Variants in ZNF90 observed in about 807,000 individuals in gnomAD.
The protein encoded by ZNF90 is zinc finger protein 90.
In ZNF90, 11 loss-of-function variants were observed where a neutral mutation model predicts 12.0. That is an observed-to-expected ratio of 0.92 (90% confidence interval 0.58 to 1.52). The LOEUF (loss-of-function observed/expected upper bound fraction) is 1.52, where lower values mean the gene tolerates loss of function less well. Among genes scored for constraint, ZNF90 ranks in the 40% most tolerant of loss-of-function variants. The pLI is 0.00. For synonymous variants in ZNF90, 232 were observed against 240.1 expected, an observed-to-expected ratio of 0.97 and a Z score of 0.31; for missense variants, 765 against 711.5, an observed-to-expected ratio of 1.08 and a Z score of -0.86.
rs913847812 is a variant in ZNF90 at position 20,084,366 on chromosome 19, A to G, written c.3+6231A>G. On this transcript the variant is annotated intron_variant, in intron 1 of 3. Coordinates refer to ENST00000418063, the MANE Select transcript of ZNF90 (RefSeq NM_007138.2). ...GCCACTGCGCCAGGCTGACCATACC[A>G]TATTTTCTTTATCCAGTCTACCATT... Among the ~76,000 whole-genome samples the G allele has an allele frequency of 4.2e-4, 64 of 152,212 alleles. 1 individual carries two copies. The highest frequency in any genetic ancestry group is 1.5e-3 in the African/African-American group (62 of 41,544).
chr19:20,080,313 T>TGGA, intron 1 of ZNF90: 1 of 537,906 alleles, frequency 1.9e-6, no homozygotes, highest in Middle Eastern at 3.9e-4. Flanking sequence ...GGACGATCCT[T>TGGA]GTTTTACCAG....
chr19:20,101,191 G>C (rs2088987062), intron 1 of ZNF90, among the ~76,000 whole-genome samples: 1 of 152,164 alleles, frequency 6.6e-6, no homozygotes, highest in Non-Finnish European at 1.5e-5. Flanking sequence ...TAGGCTAAAG[G>C]CTCGCCATTG....
intron 3 of ZNF90, among the ~76,000 whole-genome samples, chr19:20,112,218 T>C (rs2089095870): frequency 6.7e-6 from 1 of 148,366 alleles, no homozygotes; most frequent in Admixed American, 6.7e-5. Context: ...AAAGGTTTCA[T>C]GTATAATAAT....
At chr19:20,093,301 A>G (rs2088916937) in intron 1 of ZNF90, among the ~76,000 whole-genome samples, 1 of 152,256 alleles carries the variant, frequency 6.6e-6, no homozygotes, top group African/African-American at 2.4e-5. Context: ...TTAGAAGCCC[A>G]TGCTGTAGCA....
chr19:20,105,403 T>G (rs2089027811), intron 3 of ZNF90, 87 bp downstream of exon 3: 1 of 1,087,244 alleles, frequency 9.2e-7, no homozygotes, highest in African/African-American at 1.6e-5. Flanking sequence ...AAATGTGATT[T>G]AGGAAGCTGT....
intron 3 of ZNF90, 24 bp downstream of exon 3, chr19:20,105,340 C>T: frequency 6.4e-7 from 1 of 1,573,868 alleles, no homozygotes; most frequent in Non-Finnish European, 8.7e-7. Context: ...AAAATGAATA[C>T]AACAGACAAC....
rs371432550 is a variant in ZNF90, at chr19:20,095,960, C to T, written c.4-8279C>T. On this transcript the variant is annotated intron_variant, in intron 1 of 3. Coordinates refer to ENST00000418063, the MANE Select transcript of ZNF90 (RefSeq NM_007138.2). ...AAACGTGAGTGTATAATCAGAGAGGCATCCCTGCAATGATTAAACACCAAG... is the reference window on the plus strand; with the variant it reads ...AAACGTGAGTGTATAATCAGAGAGGTATCCCTGCAATGATTAAACACCAAG... Among the ~76,000 whole-genome samples the T allele has an allele frequency of 2.8e-3, 424 of 152,306 alleles. 2 individuals carry two copies. The highest frequency in any genetic ancestry group is 9.9e-3 in the African/African-American group (411 of 41,544).
intron 1 of ZNF90, among the ~76,000 whole-genome samples, chr19:20,103,411 A>G (rs2089005876): frequency 6.6e-6 from 1 of 152,106 alleles, no homozygotes; most frequent in African/African-American, 2.4e-5. Flanking sequence ...CCAACCCTCA[A>G]CTTTTTTCTC....
chr19:20,088,216 G>A (rs1429745621), intron 1 of ZNF90, among the ~76,000 whole-genome samples: 7 of 151,808 alleles, frequency 4.6e-5, no homozygotes, highest in African/African-American at 7.3e-5. Flanking sequence ...TTGGGGGGTG[G>A]TATGGAGAGA....
In ZNF90 at chr19:20,118,928, T is replaced by C. The variant is rs782522249; in HGVS notation, c.1374T>C (p.Cys458=). ...AGAAACCCTACAAATGTGAAGAATG[T>C]GGCAAAGCCTTCAAGCGCTCCTCAA... is the stretch of plus-strand genomic sequence containing the variant. ...SGEKPYKCEE[C]GKAFKRSSNL... The change falls in exon 4 of 4, where the codon TGT becomes TGC. Residue 458 remains cysteine, a synonymous_variant. Transcript: ENST00000418063. The C allele has an allele frequency of 5.6e-6, 9 of 1,613,390 alleles. No individual in the cohort carries two copies. Among genetic ancestry groups the C allele is most frequent in the African/African-American group, 2.7e-5 (2 of 74,902 alleles).
chr19:20,093,535 T>A (rs1363781584), intron 1 of ZNF90, among the ~76,000 whole-genome samples: 1 of 152,074 alleles, frequency 6.6e-6, no homozygotes, highest in Admixed American at 6.5e-5. Context: ...CAATGAGATG[T>A]GGCTGTAGTC....
chr19:20,097,278 G>T lies in ZNF90; in HGVS notation c.4-6961G>T, dbSNP rs541332482. 2.6e-4 allele frequency among the ~76,000 whole-genome samples: 39 copies of T among 152,264 alleles called. No homozygotes were observed. The South Asian group carries it at 8.1e-3, about 32-fold the overall frequency. ...ACCAGACATGATATAAACACATAAG[G>T]TGCCAATGAGAATTTACTCTAGAGG... On this transcript the variant is annotated intron_variant, in intron 1 of 3. Transcript: ENST00000418063.
At chr19:20,097,647 T>C (rs1348113101) in intron 1 of ZNF90, among the ~76,000 whole-genome samples, 1 of 152,222 alleles carries the variant, frequency 6.6e-6, no homozygotes, top group African/African-American at 2.4e-5. Context: ...GCTATAAACA[T>C]GCTGCCACTC....
At chr19:20,115,791 ATAT>A (rs1417800542) in intron 3 of ZNF90, among the ~76,000 whole-genome samples, 1 of 151,458 alleles carries the variant, frequency 6.6e-6, no homozygotes, top group Non-Finnish European at 1.5e-5. Context: ...TGCTATTTTA[ATAT>A]TTCTTGTTAT....
intron 3 of ZNF90, among the ~76,000 whole-genome samples, chr19:20,114,281 A>C (rs2089117234): frequency 6.6e-6 from 1 of 151,670 alleles, no homozygotes; most frequent in Non-Finnish European, 1.5e-5. Context: ...ACAGAATGAG[A>C]AGTATATATT....
At position 20,117,767 on chromosome 19, in the gene ZNF90, AT is replaced by A; in HGVS notation, c.227-12del. ...CTAGCAATTGAAGTAATGTGTTCTT[AT>A]TGTTTCTTTCAGTTATGTGTTTTCA... On this transcript the variant is annotated splice_polypyrimidine_tract_variant and intron_variant, in intron 3 of 3. Transcript: ENST00000418063. The A allele has an allele frequency of 6.7e-7, 1 of 1,488,000 alleles. No homozygotes were observed. The highest frequency in any genetic ancestry group is 1.4e-5 in the African/African-American group (1 of 70,768). 92.2% of individuals were successfully genotyped at this position (1,488,000 alleles called of 1,614,324 possible). A position where few individuals can be genotyped will look rare whatever the true frequency, so the allele number is the denominator to read the frequency against.
chr19:20,113,144 T>TGTTTGTTGTGTAG (rs1247907705), intron 3 of ZNF90, among the ~76,000 whole-genome samples: 1 of 152,178 alleles, frequency 6.6e-6, no homozygotes, highest in African/African-American at 2.4e-5. Flanking sequence ...GTCACTTGTG[T>TGTTTGTTGTGTAG]GTTTGTTGTG....
intron 2 of ZNF90, among the ~76,000 whole-genome samples, chr19:20,104,783 T>C (rs1393809684): frequency 2.6e-5 from 4 of 152,142 alleles, no homozygotes; most frequent in South Asian, 4.1e-4. Flanking sequence ...TCGCCTGAGG[T>C]CAGCAGTTTG....
chr19:20,086,434 T>C (rs1337172362), intron 1 of ZNF90, among the ~76,000 whole-genome samples: 1 of 151,772 alleles, frequency 6.6e-6, no homozygotes, highest in Non-Finnish European at 1.5e-5. Flanking sequence ...TGGTGTGTTA[T>C]CATGTTCACC....
Sources: allele counts gnomAD v4.1 joint callset (sites outside exome capture counted in the v4.1 genomes callset), GRCh38; gene constraint gnomAD v4.1.1; transcripts MANE v1.5; gene names NCBI Gene and HGNC (gene_info 2026-07-23, HGNC 2026-07-21).